Variants in DAGLB observed in about 807,000 individuals in gnomAD.
DAGLB encodes the protein diacylglycerol lipase-beta.
A neutral mutation model predicts 72.1 loss-of-function variants in DAGLB; 66 were observed. The observed-to-expected ratio is 0.92, with a 90% confidence interval of 0.75 to 1.12. The LOEUF is 1.12. Ranked by LOEUF, DAGLB falls within the 50% of genes most tolerant of loss-of-function variation. The pLI is 0.00. For missense variants in DAGLB, 1,065 were observed against 884.9 expected, an observed-to-expected ratio of 1.20 and a Z score of -2.58; for synonymous variants, 414 against 359.5, an observed-to-expected ratio of 1.15 and a Z score of -1.71.
chr7:6,421,852 G>C (rs766483773), intron 8 of DAGLB, 48 bp from the exon 9 acceptor site: 1 of 1,594,904 alleles, frequency 6.3e-7, no homozygotes, highest in Admixed American at 1.7e-5. Context: ...TGATGGGCAG[G>C]GTGGGAGAAT....
rs535834670 is a variant in DAGLB at position 6,442,732 on chromosome 7, C to T, written c.247+3221G>A. ...AGCCTCCATCAATCCAGCCTCCTTG[C>T]GTGGATGTTTCTAGAGGCATACTAA... On this transcript the variant is annotated intron_variant, in intron 2 of 14. Coordinates refer to ENST00000297056, the MANE Select transcript of DAGLB (RefSeq NM_139179.4). Among the ~76,000 whole-genome samples the T allele has an allele frequency of 3.9e-4, 59 of 152,262 alleles. 1 individual carries two copies. Among genetic ancestry groups the T allele is most frequent in the Non-Finnish European group, 7.4e-4 (50 of 68,014 alleles).
chr7:6,424,787 C>T lies in DAGLB; in HGVS notation c.1105G>A (p.Val369Ile), dbSNP rs761108302. Residue 369 changes from valine to isoleucine, a missense_variant, in exon 8 of 15, where the codon GTT becomes ATT. By Grantham distance (29) the Val-to-Ile change is conservative. Coordinates refer to ENST00000297056, the MANE Select transcript of DAGLB (RefSeq NM_139179.4). ...ATGGTCCCCCTCACAGCGACCACAA[C>T]AGACTCTTTCCTGTGATCCAGAGCC... is the stretch of plus-strand genomic sequence containing the variant. ...LVALDHRKES[V>I]VVAVRGTMSL... 1.2e-6 allele frequency: 2 copies of T among 1,613,822 alleles called. No individual in the cohort carries two copies. Among genetic ancestry groups the T allele is most frequent in the East Asian group, 2.2e-5 (1 of 44,888 alleles).
In DAGLB at chr7:6,447,730, C is replaced by A. The variant is rs752976964; in HGVS notation, c.95+18G>T. The A allele has an allele frequency of 1.2e-6, 2 of 1,608,634 alleles. No individual in the cohort carries two copies. Among genetic ancestry groups the A allele is most frequent in the Non-Finnish European group, 1.7e-6 (2 of 1,177,848 alleles). On this transcript the variant is annotated intron_variant, in intron 1 of 14. Coordinates refer to ENST00000297056, the MANE Select transcript of DAGLB (RefSeq NM_139179.4). Reference sequence around the variant, plus strand: ...CCTCTCCGGTGGGCTCCACCGCCCCCGTAGCCGCCGTCCTTACCACAGCAC... The same window carrying A: ...CCTCTCCGGTGGGCTCCACCGCCCCAGTAGCCGCCGTCCTTACCACAGCAC...
chr7:6,422,653 A>G (rs1442816645), intron 8 of DAGLB: 2 of 153,022 alleles, frequency 1.3e-5, no homozygotes, highest in African/African-American at 4.8e-5. Flanking sequence ...CAAACACCGC[A>G]TGGTCTGATG....
At chr7:6,411,113 C>A (rs189653989) in intron 13 of DAGLB, among the ~76,000 whole-genome samples, 2,691 of 152,010 alleles carry the variant, frequency 0.018, 58 homozygotes, top group South Asian at 0.094. Flanking sequence ...ACCTCGTGAT[C>A]CACCCGCCTT....
Position 6,412,593 on chromosome 7 carries a change from T to C in DAGLB, c.1569+218A>G, listed in dbSNP as rs1783765053. The C allele has an allele frequency of 1.5e-5, 9 of 600,920 alleles. No individual in the cohort carries two copies. The East Asian group carries it at 2.6e-4, about 17-fold the overall frequency. The allele number at this position is 600,920 out of a possible 1,614,324, so 37.2% of individuals were successfully genotyped here. ...ACACCACTGCTCCCAGCCCAGATCC[T>C]GTTTCCTCCCTGTGACATTTCCCGC... is the stretch of plus-strand genomic sequence containing the variant. On this transcript the variant is annotated intron_variant, in intron 13 of 14. Coordinates refer to ENST00000297056, the MANE Select transcript of DAGLB (RefSeq NM_139179.4).
Position 6,410,305 on chromosome 7 carries a change from C to G in DAGLB, c.1645G>C (p.Gly549Arg), listed in dbSNP as rs201260643. ...TGTGTCAGGACTTCCTGGTCGCCCC[C>G]GTCCAGCTCCGTGGGCAAGTTGTTG... ...NPNNLPTELD[G>R]GDQEVLTQPL... is the part of the protein sequence containing the mutation. Residue 549 changes from glycine (G) to arginine (R), a missense_variant, in exon 14 of 15, where the codon GGG (glycine) becomes CGG (arginine). By Grantham distance (125) the Gly-to-Arg change is moderately radical. Transcript: ENST00000297056. 3.7e-4 allele frequency: 601 copies of G among 1,614,046 alleles called. 3 individuals are homozygous for G. Among genetic ancestry groups the G allele is most frequent in the Non-Finnish European group, 8.4e-5 (99 of 1,179,974 alleles).
chr7:6,413,221 C>T (rs921710797), intron 11 of DAGLB, among the ~76,000 whole-genome samples, 187 bp from the exon 12 acceptor site: 28 of 152,172 alleles, frequency 1.8e-4, no homozygotes, highest in Non-Finnish European at 7.4e-5. Flanking sequence ...ACTAAAGCCA[C>T]AATATGTGTT....
At position 6,409,472 on chromosome 7, in the gene DAGLB, G is replaced by C. The variant is rs899680461; in HGVS notation, c.*365C>G. On this transcript the variant is annotated 3_prime_UTR_variant, in exon 15 of 15. Coordinates refer to ENST00000297056, the MANE Select transcript of DAGLB (RefSeq NM_139179.4). The stretch of plus-strand genomic sequence containing the variant: ...GAGTTGGATGAAAAGAGCTGCCTTG[G>C]GGGTGGGAGGCTAAGGAACTGTTCA... 2.8e-5 allele frequency: 7 copies of C among 247,840 alleles called. No homozygotes were observed. The highest frequency in any genetic ancestry group is 5.0e-5 in the Admixed American group (1 of 19,896). The allele number at this position is 247,840 out of a possible 1,614,324, so 15.4% of individuals were successfully genotyped here.
chr7:6,415,390 C>T (rs1197388494), intron 11 of DAGLB, among the ~76,000 whole-genome samples: 1 of 151,872 alleles, frequency 6.6e-6, no homozygotes, highest in Non-Finnish European at 1.5e-5. Context: ...TACGTACATA[C>T]TTTTTAATCA....
intron 4 of DAGLB, among the ~76,000 whole-genome samples, chr7:6,434,269 G>A (rs1475473290): frequency 4.0e-5 from 6 of 151,898 alleles, no homozygotes; most frequent in Admixed American, 6.6e-5. Flanking sequence ...TCAAATTGCG[G>A]AAGAACTCGC....
chr7:6,416,871 C>T lies in DAGLB; in HGVS notation c.1269G>A (p.Gly423=), dbSNP rs781435237. 9 of 1,614,238 alleles carry T rather than the reference C, an allele frequency of 5.6e-6. No homozygotes were observed. The highest frequency in any genetic ancestry group is 1.1e-5 in the South Asian group (1 of 91,084). ...CAATGCTGAAGGCTTGGCTCAAAAT[C>T]CCGTCGTTGATGAGTCGTTGGTAAA... ...RYVYQRLIND[G]ILSQAFSIAP... Residue 423 remains glycine (G), a synonymous_variant, in exon 10 of 15, where the codon GGG becomes GGA. Coordinates refer to ENST00000297056, the MANE Select transcript of DAGLB (RefSeq NM_139179.4).
At chr7:6,417,317 G>C (rs895743145) in intron 9 of DAGLB, 3 of 161,406 alleles carry the variant, frequency 1.9e-5, no homozygotes, top group African/African-American at 7.3e-5. Context: ...CCAGCTACTC[G>C]GGAGGCTGAG....
chr7:6,418,530 C>T (rs836510), intron 9 of DAGLB, among the ~76,000 whole-genome samples: 53,636 of 152,098 alleles, frequency 0.35, 12,066 homozygotes, highest in African/African-American at 0.61. Flanking sequence ...CAGTGTGCTC[C>T]TGTGCTGGGC....
In DAGLB at chr7:6,409,668, A is replaced by C. The variant is rs1299760500; in HGVS notation, c.*169T>G. The C allele has an allele frequency of 1.2e-6, 1 of 810,624 alleles. No homozygotes were observed. The highest frequency in any genetic ancestry group is 1.9e-6 in the Non-Finnish European group (1 of 526,322). 50.2% of individuals were successfully genotyped at this position (810,624 alleles called of 1,614,324 possible). A position where few individuals can be genotyped will look rare whatever the true frequency, so the allele number is the denominator to read the frequency against. On this transcript the variant is annotated 3_prime_UTR_variant, in exon 15 of 15. Coordinates refer to ENST00000297056, the MANE Select transcript of DAGLB (RefSeq NM_139179.4). ...TACTTCTGCTACCATTATGGCCACA[A>C]TGACTTCCCATAAACTTAAGTCATT...
At chr7:6,413,451 A>G (rs1783801266) in intron 11 of DAGLB, among the ~76,000 whole-genome samples, 1 of 152,146 alleles carries the variant, frequency 6.6e-6, no homozygotes, top group Non-Finnish European at 1.5e-5. Flanking sequence ...TAACACGGTA[A>G]AAGCCCGTCT....
At chr7:6,445,348 T>G (rs114230492) in intron 2 of DAGLB, among the ~76,000 whole-genome samples, 4 of 152,200 alleles carry the variant, frequency 2.6e-5, no homozygotes, top group Non-Finnish European at 5.9e-5. Context: ...GAAGACATTA[T>G]GCTAAGCTTA....
chr7:6,421,950 C>G lies in DAGLB; in HGVS notation c.1141-146G>C, dbSNP rs889559797. The G allele has an allele frequency of 1.0e-5, 9 of 902,146 alleles. No individual in the cohort carries two copies. The African/African-American group carries it at 1.2e-4, about 12-fold the overall frequency. The allele number at this position is 902,146 out of a possible 1,614,324, so 55.9% of individuals were successfully genotyped here. On this transcript the variant is annotated intron_variant, in intron 8 of 14. Coordinates refer to ENST00000297056, the MANE Select transcript of DAGLB (RefSeq NM_139179.4). ...TTCGGTCCTGGGACTGAACCCTAAA[C>G]TAAAGAGGGAAACCCAGCGGTGGCT...
Position 6,426,203 on chromosome 7 carries a change from G to A in DAGLB, c.930-89C>T, listed in dbSNP as rs1345054638. The A allele has an allele frequency of 8.9e-6, 14 of 1,574,592 alleles. No individual in the cohort carries two copies. In the Admixed American group the frequency reaches 1.5e-4, roughly 17 times the overall value. Reference sequence around the variant, plus strand: ...CACTGCCACATGTTCCCAGAGACGCGAGGACCAGAGCGGACAATTCTCAGG... The same window carrying A: ...CACTGCCACATGTTCCCAGAGACGCAAGGACCAGAGCGGACAATTCTCAGG... On this transcript the variant is annotated intron_variant, in intron 6 of 14. Coordinates refer to ENST00000297056, the MANE Select transcript of DAGLB (RefSeq NM_139179.4).
Sources: allele counts gnomAD v4.1 joint callset (sites outside exome capture counted in the v4.1 genomes callset), GRCh38; gene constraint gnomAD v4.1.1; transcripts MANE v1.5; gene names NCBI Gene and HGNC (gene_info 2026-07-23, HGNC 2026-07-21).